The following DST variants were observed in gnomAD, a reference collection of about 807,000 sequenced individuals.
DST encodes the protein dystonin, also known as bullous pemphigoid antigen.
DST carries 253 observed loss-of-function variants against 875.2 expected under a neutral mutation model. The observed-to-expected ratio is 0.29, with a 90% CI of 0.26 to 0.32. The LOEUF is 0.32. Ranked by LOEUF, DST falls within the 10% of genes least tolerant of loss-of-function variation. The probability of loss-of-function intolerance (pLI) is 1.00; values close to 1 mark genes in which losing one functional copy is unlikely to be tolerated. For synonymous variants in DST, 3,124 were observed against 3,197.1 expected (o/e 0.98, Z 0.77); for missense variants, 8,287 against 9,111.6 (o/e 0.91, Z 3.68).
rs547544347 is a variant in DST, at chr6:56,650,378, T to C, written c.1434+548A>G. Among the ~76,000 whole-genome samples, 6 of 146,892 alleles carry C rather than the reference T, an allele frequency of 4.1e-5. No individual in the cohort carries two copies. The East Asian group carries it at 1.2e-3, about 29-fold the overall frequency. On this transcript the variant is annotated intron_variant, in intron 12 of 103. Coordinates refer to ENST00000680361, the MANE Select transcript of DST (RefSeq NM_001374736.1). ...CACTGAAGTGAGTTACACAAACCTT[T>C]AAGAAATAGTAGACTAATAAACAGC...
chr6:56,945,291 T>G (rs185255162), intron 2 of DST, among the ~76,000 whole-genome samples: 1 of 152,288 alleles, frequency 6.6e-6, no homozygotes, highest in East Asian at 1.9e-4. Context: ...TTATAGGGCT[T>G]GAACCAAAGA....
At chr6:56,600,360 G>T in intron 44 of DST, 139 bp from the exon 45 acceptor site, 2 of 737,094 alleles carry the variant, frequency 2.7e-6, no homozygotes, top group Non-Finnish European at 2.2e-6. Flanking sequence ...GATAGCAGTA[G>T]GGTACAAACT....
At chr6:56,558,300 A>T (rs911620327) in intron 58 of DST, among the ~76,000 whole-genome samples, 4 of 152,078 alleles carry the variant, frequency 2.6e-5, no homozygotes, top group African/African-American at 9.7e-5. Flanking sequence ...AGTGCATGTG[A>T]TAATTTAACA....
chr6:56,573,713 G>A lies in DST; in HGVS notation c.13202C>T (p.Ser4401Phe). 2 of 1,613,448 alleles carry A rather than the reference G, an allele frequency of 1.2e-6. No individual in the cohort carries two copies. Among genetic ancestry groups the A allele is most frequent in the East Asian group, 2.2e-5 (1 of 44,864 alleles). Residue 4401 changes from serine (S) to phenylalanine (F), a missense_variant, in exon 51 of 104, where the codon TCT (serine) becomes TTT (phenylalanine). Physicochemically the swap from Ser to Phe is radical, Grantham distance 155. Transcript: ENST00000680361. ...ACTGATAATATCCTGAAGAGCAGTA[G>A]AGTTTAAAGGCACTTGACCTTGTTC... ...LKEQGQVPLN[S>F]TALQDIISKN...
chr6:56,556,205 G>T (rs1479400716), intron 59 of DST, among the ~76,000 whole-genome samples: 1 of 152,004 alleles, frequency 6.6e-6, no homozygotes, highest in Non-Finnish European at 1.5e-5. Context: ...TAGGATTTTT[G>T]GAATACCCTA....
At chr6:56,619,896 G>A (rs781642364) in intron 36 of DST, 4 of 1,614,052 alleles carry the variant, frequency 2.5e-6, no homozygotes, top group Non-Finnish European at 2.5e-6. Flanking sequence ...CTCATGTCTT[G>A]TTCAGCCTTT....
intron 4 of DST, among the ~76,000 whole-genome samples, chr6:56,835,307 A>G (rs1192092420): frequency 6.6e-6 from 1 of 152,220 alleles, no homozygotes; most frequent in East Asian, 1.9e-4. Flanking sequence ...ATAGAACTGT[A>G]CAACAAAGGA....
chr6:56,556,669 A>G (rs987640952), intron 59 of DST, among the ~76,000 whole-genome samples: 2 of 152,230 alleles, frequency 1.3e-5, no homozygotes, highest in East Asian at 3.8e-4. Flanking sequence ...AGACATTAAA[A>G]AACTAACTGA....
intron 32 of DST, 97 bp downstream of exon 32, chr6:56,629,153 T>A: frequency 8.4e-7 from 1 of 1,195,602 alleles, no homozygotes; most frequent in Admixed American, 1.8e-5. Flanking sequence ...AAATTAACTA[T>A]GGAAGTAAAA....
intron 2 of DST, among the ~76,000 whole-genome samples, chr6:56,949,899 G>C (rs896583087): frequency 2.0e-5 from 3 of 152,198 alleles, no homozygotes; most frequent in Non-Finnish European, 4.4e-5. Context: ...ATTTGGTACA[G>C]GGACACTTGA....
intron 58 of DST, among the ~76,000 whole-genome samples, chr6:56,559,221 C>T (rs762102164): frequency 2.0e-5 from 3 of 151,958 alleles, no homozygotes; most frequent in Non-Finnish European, 4.4e-5. Flanking sequence ...AATAGAAAAA[C>T]TCATCCAGAA....
At chr6:56,832,199 T>C (rs902651487) in intron 4 of DST, among the ~76,000 whole-genome samples, 2 of 152,168 alleles carry the variant, frequency 1.3e-5, no homozygotes, top group African/African-American at 4.8e-5. Context: ...CTTCTGAGAT[T>C]GTTTAAAGGA....
At position 56,606,903 on chromosome 6, in the gene DST, A is replaced by C. The variant is rs1315354910; in HGVS notation, c.7725T>G (p.Thr2575=). 2 of 1,613,328 alleles carry C rather than the reference A, an allele frequency of 1.2e-6. No homozygotes were observed. The highest frequency in any genetic ancestry group is 2.2e-5 in the East Asian group (1 of 44,894). ...GDTDNAIVSL[T]CATPLLDETI... The stretch of plus-strand genomic sequence containing the variant: ...TTTCATCAAGCAATGGTGTAGCACA[A>C]GTAAGAGACACAATGGCATTATCAG... Residue 2575 remains threonine (T), a synonymous_variant, in exon 40 of 104, where the codon ACT becomes ACG. Transcript: ENST00000680361.
At chr6:56,869,172 A>C (rs1562236618) in intron 3 of DST, among the ~76,000 whole-genome samples, 1 of 152,208 alleles carries the variant, frequency 6.6e-6, no homozygotes, top group African/African-American at 2.4e-5. Flanking sequence ...TGGGGAGTCT[A>C]GTCATACAAA....
intron 78 of DST, among the ~76,000 whole-genome samples, chr6:56,502,794 AT>A (rs2096179155): frequency 6.6e-6 from 1 of 152,164 alleles, no homozygotes; most frequent in African/African-American, 2.4e-5. Flanking sequence ...TAAATGAAAT[AT>A]TCTATGTCAC....
At chr6:56,609,395 C>T (rs998416522) in intron 39 of DST, 51 bp from the exon 40 acceptor site, 22 of 1,358,830 alleles carry the variant, frequency 1.6e-5, no homozygotes, top group African/African-American at 1.5e-4. Flanking sequence ...CAAGGGTGGG[C>T]GGAGTTTCAT....
At chr6:56,851,768 A>C in intron 3 of DST, 164 bp from the exon 4 acceptor site, 6 of 1,551,712 alleles carry the variant, frequency 3.9e-6, no homozygotes, top group Non-Finnish European at 5.2e-6. Flanking sequence ...GAAACCAAAA[A>C]AATAAAACCC....
intron 2 of DST, among the ~76,000 whole-genome samples, chr6:56,920,555 T>C (rs147559356): frequency 2.7e-4 from 41 of 152,306 alleles, no homozygotes; most frequent in African/African-American, 9.4e-4. Context: ...TTAAAAATTT[T>C]TTGGATCACG....
chr6:56,728,973 TACACACAC>T (rs35066414), intron 5 of DST, among the ~76,000 whole-genome samples: 117 of 132,098 alleles, frequency 8.9e-4, no homozygotes, highest in African/African-American at 2.7e-3. Context: ...ATAAAAAAAG[TACACACAC>T]ACACACACAC....
Sources: gnomAD v4.1 joint callset for allele counts (sites outside exome capture counted in the v4.1 genomes callset) on GRCh38, gnomAD v4.1.1 for gene constraint, MANE v1.5 for transcripts, NCBI Gene and HGNC (gene_info 2026-07-23, HGNC 2026-07-21) for gene names.